Variants in COL5A2 observed in about 807,000 individuals in gnomAD.
COL5A2 encodes the protein collagen alpha-2(V) chain.
Under a neutral mutation model 208.2 loss-of-function variants are expected in COL5A2, and 23 were observed. The ratio of observed to expected loss-of-function variants is 0.11; its 90% CI spans 0.08 to 0.16. The LOEUF is 0.16. COL5A2 is among the 10% of genes least tolerant of loss of function. COL5A2 has a pLI of 1.00. For missense variants in COL5A2, 1,590 were observed against 1,956.4 expected, an observed-to-expected ratio of 0.81 and a Z score of 3.53; for synonymous variants, 625 against 628.5, an observed-to-expected ratio of 0.99 and a Z score of 0.08.
chr2:189,048,257 T>C lies in COL5A2; in HGVS notation c.3153A>G (p.Pro1051=), dbSNP rs1685712218. The stretch of plus-strand genomic sequence containing the variant: ...GTCCTGGGGTACCATCATTGCCAGC[T>C]GGACCCTATAAAGAATAATGGTTTG... ...GPVGEPGPEG[P]AGNDGTPGRD... is the part of the protein sequence containing the mutation. Residue 1051 remains proline (P), a synonymous_variant, in exon 45 of 54, where the codon CCA becomes CCG. Coordinates refer to ENST00000374866, the MANE Select transcript of COL5A2 (RefSeq NM_000393.5). 3.1e-6 allele frequency: 5 copies of C among 1,613,992 alleles called. No individual in the cohort carries two copies. In the East Asian group the frequency reaches 1.1e-4, roughly 36 times the overall value.
At chr2:189,309,592 G>A in the COL5A2 span, among the ~76,000 whole-genome samples, 1 of 152,084 alleles carries the variant, frequency 6.6e-6, no homozygotes, top group Non-Finnish European at 1.5e-5. Flanking sequence ...TCTTCTAAAT[G>A]TATTTTACTT....
At chr2:189,121,404 AT>A (rs1449672202) in intron 1 of COL5A2, among the ~76,000 whole-genome samples, 2 of 151,904 alleles carry the variant, frequency 1.3e-5, no homozygotes, top group African/African-American at 4.8e-5. Context: ...CATGACTCTG[AT>A]TTTAATTTCT....
At chr2:189,238,149 A>T in the COL5A2 span, among the ~76,000 whole-genome samples, 2 of 152,088 alleles carry the variant, frequency 1.3e-5, no homozygotes, top group African/African-American at 4.8e-5. Context: ...CTTCTGTTTG[A>T]GAATTTTGCA....
the COL5A2 span, among the ~76,000 whole-genome samples, chr2:189,233,186 C>A: frequency 2.0e-5 from 3 of 151,670 alleles, no homozygotes; most frequent in African/African-American, 7.3e-5. Flanking sequence ...GGGTACAAAT[C>A]ATTGTTTTCC....
chr2:189,317,515 T>C, the COL5A2 span, among the ~76,000 whole-genome samples: 1 of 152,148 alleles, frequency 6.6e-6, no homozygotes, highest in South Asian at 2.1e-4. Context: ...TAAGAATCCA[T>C]GCTTCTAATC....
At chr2:189,087,363 G>A (rs570789851) in intron 8 of COL5A2, among the ~76,000 whole-genome samples, 1 of 151,778 alleles carries the variant, frequency 6.6e-6, no homozygotes, top group Non-Finnish European at 1.5e-5. Flanking sequence ...ACAAAAGGAA[G>A]AAAACAAAAA....
At chr2:189,228,572 T>C (rs1023191353), upstream of COL5A2, among the ~76,000 whole-genome samples, 1 of 151,742 alleles carries the variant, frequency 6.6e-6, no homozygotes, top group Non-Finnish European at 1.5e-5. Flanking sequence ...AAAAAATGGA[T>C]AAATTCCTAG....
the COL5A2 span, among the ~76,000 whole-genome samples, chr2:189,301,925 T>C: frequency 1.3e-5 from 2 of 151,954 alleles, no homozygotes; most frequent in Admixed American, 1.3e-4. Flanking sequence ...CAAATACAAA[T>C]TTTTTTTCAG....
At chr2:189,386,642 C>T in the COL5A2 span, among the ~76,000 whole-genome samples, 1 of 151,910 alleles carries the variant, frequency 6.6e-6, no homozygotes, top group African/African-American at 2.4e-5. Flanking sequence ...AACAAATAAC[C>T]CCATTAAAAA....
chr2:189,143,782 A>C (rs1687981994), intron 1 of COL5A2, among the ~76,000 whole-genome samples: 1 of 152,174 alleles, frequency 6.6e-6, no homozygotes, highest in Non-Finnish European at 1.5e-5. Flanking sequence ...TTCACAGGGG[A>C]AACAGGTCTT....
Position 189,042,752 on chromosome 2 carries a change from T to C in COL5A2, c.3493A>G (p.Ser1165Gly), listed in dbSNP as rs750486580. ...GPPGPNGEQG[S>G]AGIPGPFGPR... The stretch of plus-strand genomic sequence containing the variant: ...CCAAATGGTCCAGGGATTCCAGCAC[T>C]TCCTTGTTCACCATTTGGACCCTAA... Residue 1165 changes from serine (S) to glycine (G), a missense_variant, in exon 49 of 54, where the codon AGT becomes GGT. Physicochemically the swap from Ser to Gly is moderately conservative, Grantham distance 56. Transcript: ENST00000374866. 6.2e-7 allele frequency: 1 copy of C among 1,607,574 alleles called. No individual in the cohort carries two copies. The highest frequency in any genetic ancestry group is 2.2e-5 in the East Asian group (1 of 44,852).
At chr2:189,261,310 C>T in the COL5A2 span, among the ~76,000 whole-genome samples, 2 of 152,116 alleles carry the variant, frequency 1.3e-5, no homozygotes, top group Non-Finnish European at 2.9e-5. Context: ...TATCTACATA[C>T]ATATGTTGAA....
the COL5A2 span, among the ~76,000 whole-genome samples, chr2:189,268,085 A>G: frequency 1.3e-5 from 2 of 152,178 alleles, no homozygotes; most frequent in Non-Finnish European, 2.9e-5. Context: ...TACATTCAGT[A>G]AATAGTATTC....
chr2:189,366,774 A>G, the COL5A2 span, among the ~76,000 whole-genome samples: 3 of 152,188 alleles, frequency 2.0e-5, no homozygotes, highest in Non-Finnish European at 4.4e-5. Flanking sequence ...GCTTACCACA[A>G]GTGTTAGCTA....
chr2:189,254,543 C>A, the COL5A2 span, among the ~76,000 whole-genome samples: 2 of 152,198 alleles, frequency 1.3e-5, no homozygotes, highest in African/African-American at 4.8e-5. Flanking sequence ...AAGAGGGAAA[C>A]CTGCCTGAGC....
intron 1 of COL5A2, among the ~76,000 whole-genome samples, chr2:189,197,966 CAG>C (rs1362670313): frequency 2.0e-5 from 3 of 151,998 alleles, no homozygotes; most frequent in African/African-American, 7.3e-5. Context: ...TCTCGTGCCT[CAG>C]CCTCCCGAGG....
upstream of COL5A2, among the ~76,000 whole-genome samples, chr2:189,182,728 C>T (rs1465091738): frequency 1.3e-5 from 2 of 152,036 alleles, no homozygotes; most frequent in African/African-American, 4.8e-5. Flanking sequence ...AGTGATAATG[C>T]CTTACTTACC....
the COL5A2 span, among the ~76,000 whole-genome samples, chr2:189,299,879 A>T: frequency 6.6e-6 from 1 of 152,214 alleles, no homozygotes; most frequent in African/African-American, 2.4e-5. Context: ...TAAAAAAAAT[A>T]GCAACACCCA....
chr2:189,392,775 T>A, the COL5A2 span, among the ~76,000 whole-genome samples: 1 of 152,156 alleles, frequency 6.6e-6, no homozygotes, highest in South Asian at 2.1e-4. Context: ...AGGTAACCAT[T>A]TGAAGGACCA....
Sources: allele counts gnomAD v4.1 joint callset (sites outside exome capture counted in the v4.1 genomes callset), GRCh38; gene constraint gnomAD v4.1.1; transcripts MANE v1.5; gene names NCBI Gene and HGNC (gene_info 2026-07-23, HGNC 2026-07-21).